The following WDR73 variants were observed in gnomAD, a reference collection of about 807,000 sequenced individuals.
WDR73 encodes WD repeat domain 73.
WDR73 carries 30 observed loss-of-function variants against 38.2 expected under a neutral mutation model. The ratio of observed to expected loss-of-function variants is 0.79; its 90% CI spans 0.59 to 1.06. The LOEUF (loss-of-function observed/expected upper bound fraction) is 1.06, where lower values mean the gene tolerates loss of function less well. Ranked by LOEUF, WDR73 falls within the 50% of genes least tolerant of loss-of-function variation. WDR73 has a pLI of 0.00. For synonymous variants in WDR73, 197 were observed against 176.0 expected, an observed-to-expected ratio of 1.12 and a Z score of -0.94; for missense variants, 487 against 467.0, an observed-to-expected ratio of 1.04 and a Z score of -0.40.
chr15:84,648,520 C>G lies in WDR73; in HGVS notation c.287+17G>C, dbSNP rs1896531823. On this transcript the variant is annotated intron_variant, in intron 4 of 7. Coordinates refer to ENST00000434634, the MANE Select transcript of WDR73 (RefSeq NM_032856.5). ...TCCCATCCTGTGTGGATGGCTGGAT[C>G]ACAAAATTGACCATACCTGGTATGT... 1 of 1,601,490 alleles carries G rather than the reference C, an allele frequency of 6.2e-7. No homozygotes were observed. The highest frequency in any genetic ancestry group is 1.7e-5 in the Admixed American group (1 of 59,954).
Position 84,643,410 on chromosome 15 carries a change from AC to A in WDR73, c.*59del, listed in dbSNP as rs1896328032. ...GTAGTCACTTGAGTCCTACATGAGCACCCTTGCTACTACAGCAGCTCCTCCC... is the reference window on the plus strand; with the variant it reads ...GTAGTCACTTGAGTCCTACATGAGCACCTTGCTACTACAGCAGCTCCTCCC... On this transcript the variant is annotated 3_prime_UTR_variant, in exon 8 of 8. Coordinates refer to ENST00000434634, the MANE Select transcript of WDR73 (RefSeq NM_032856.5). 6.5e-7 allele frequency: 1 copy of A among 1,530,282 alleles called. No individual in the cohort carries two copies. Among genetic ancestry groups the A allele is most frequent in the African/African-American group, 1.4e-5 (1 of 72,822 alleles). 94.8% of individuals were successfully genotyped at this position (1,530,282 alleles called of 1,614,324 possible). A position where few individuals can be genotyped will look rare whatever the true frequency, so the allele number is the denominator to read the frequency against.
intron 5 of WDR73, 64 bp from the exon 6 acceptor site, chr15:84,646,412 C>A: frequency 4.5e-6 from 7 of 1,553,522 alleles, no homozygotes; most frequent in Non-Finnish European, 6.1e-6. Flanking sequence ...TGACAGGCTG[C>A]CAGCTGTCTT....
Position 84,646,175 on chromosome 15 carries a change from C to G in WDR73, c.517+9G>C, listed in dbSNP as rs1896451738. On this transcript the variant is annotated intron_variant, in intron 6 of 7. Coordinates refer to ENST00000434634, the MANE Select transcript of WDR73 (RefSeq NM_032856.5). Reference sequence around the variant, plus strand: ...GGAGCAGCAAGCAAGGGACAAAGTACCACGGTACCTGAGGTGTACGTGGTC... The same window carrying G: ...GGAGCAGCAAGCAAGGGACAAAGTAGCACGGTACCTGAGGTGTACGTGGTC... 6.2e-7 allele frequency: 1 copy of G among 1,613,362 alleles called. No homozygotes were observed. The highest frequency in any genetic ancestry group is 1.3e-5 in the African/African-American group (1 of 74,912).
At position 84,652,724 on chromosome 15, in the gene WDR73, TTTACAGAAA is replaced by T; in HGVS notation, c.179_187del (p.Leu60_Lys63delinsGln). The T allele has an allele frequency of 6.6e-7, 1 of 1,512,178 alleles. No homozygotes were observed. Among genetic ancestry groups the T allele is most frequent in the Non-Finnish European group, 8.9e-7 (1 of 1,125,950 alleles). 93.7% of individuals were successfully genotyped at this position (1,512,178 alleles called of 1,614,324 possible). ...TATATTTTAAGTTACCTTGTTTTCC[TTTACAGAAA>T]GTCTGAGAGGTAATTTCAGATGAAG... On this transcript the variant is annotated inframe_deletion, in exon 3 of 8. Coordinates refer to ENST00000434634, the MANE Select transcript of WDR73 (RefSeq NM_032856.5).
chr15:84,645,608 C>T lies in WDR73; in HGVS notation c.746G>A (p.Arg249His), dbSNP rs11073619. The T allele has an allele frequency of 0.098, 157,137 of 1,608,938 alleles. 8,669 individuals are homozygous for T. The highest frequency in any genetic ancestry group is 0.2 in the Admixed American group (11,975 of 58,806). Residue 249 changes from arginine (R) to histidine (H), a missense_variant, in exon 7 of 8, where the codon CGT (arginine) becomes CAT (histidine). Transcript: ENST00000434634. The part of the protein sequence containing the change: ...PSIASLGSDG[R>H]LCLLDPRDLC... ...ATCCCGGGGGTCAAGAAGACAAAGA[C>T]GCCCATCTGAGCCAAGGCTGGCAAT...
chr15:84,653,593 T>G (rs1405711483), intron 2 of WDR73, 39 bp downstream of exon 2: 173 of 1,490,636 alleles, frequency 1.2e-4, no homozygotes, highest in Non-Finnish European at 1.5e-4. Context: ...AGCTCAGGAG[T>G]GAGATTCCCT....
At position 84,643,855 on chromosome 15, in the gene WDR73, G is replaced by A. The variant is rs181563958; in HGVS notation, c.884-132C>T. 1.7e-4 allele frequency: 182 copies of A among 1,098,960 alleles called. 2 individuals carry two copies. The highest frequency in any genetic ancestry group is 6.0e-4 in the Middle Eastern group (2 of 3,340). 68.1% of individuals were successfully genotyped at this position (1,098,960 alleles called of 1,614,324 possible). Reference sequence around the variant, plus strand: ...TGGTCTTGAACTCCTAGCCTCAAGCGATCCTCCCATCTCAGCCTCCCAAAA... The same window carrying A: ...TGGTCTTGAACTCCTAGCCTCAAGCAATCCTCCCATCTCAGCCTCCCAAAA... On this transcript the variant is annotated intron_variant, in intron 7 of 7. Coordinates refer to ENST00000434634, the MANE Select transcript of WDR73 (RefSeq NM_032856.5).
intron 2 of WDR73, chr15:84,653,390 G>C (rs1418291672): frequency 9.9e-6 from 4 of 403,014 alleles, no homozygotes; most frequent in African/African-American, 4.1e-5. Flanking sequence ...GACTGGTCTC[G>C]AACTCCTGAC....
At chr15:84,647,978 T>C in intron 4 of WDR73, 24 bp from the exon 5 acceptor site, 1 of 1,612,224 alleles carries the variant, frequency 6.2e-7, no homozygotes, top group Non-Finnish European at 8.5e-7. Context: ...ACAAAATCAG[T>C]CCAGACCATG....
intron 3 of WDR73, among the ~76,000 whole-genome samples, chr15:84,650,780 C>A (rs1304702129): frequency 6.6e-6 from 1 of 152,158 alleles, no homozygotes; most frequent in African/African-American, 2.4e-5. Context: ...GGATTACAGG[C>A]ATGAGTCACC....
intron 7 of WDR73, 79 bp downstream of exon 7, chr15:84,645,392 G>A (rs1896413935): frequency 1.3e-6 from 2 of 1,582,004 alleles, no homozygotes; most frequent in Middle Eastern, 1.7e-4. Flanking sequence ...TCATGGTGCT[G>A]GAGGCTCCTT....
chr15:84,644,026 A>C, intron 7 of WDR73: 2 of 297,762 alleles, frequency 6.7e-6, no homozygotes, highest in South Asian at 3.8e-5. Context: ...GCAGCTGATG[A>C]CTCCGTGGGG....
At chr15:84,654,188 G>A in intron 1 of WDR73, 46 bp downstream of exon 1, 1 of 1,613,338 alleles carries the variant, frequency 6.2e-7, no homozygotes, top group Non-Finnish European at 8.5e-7. Flanking sequence ...CGCCCGCCAG[G>A]CAAGCTCCAG....
At position 84,642,988 on chromosome 15, in the gene WDR73, G is replaced by A. The variant is rs1240917188; in HGVS notation, c.*482C>T. ...TCTCTTGAACCTAGTCACCTGGGGG[G>A]ACAAGTGTGGGAAAGTGCACCTGTG... is the stretch of plus-strand genomic sequence containing the variant. On this transcript the variant is annotated 3_prime_UTR_variant, in exon 8 of 8. Coordinates refer to ENST00000434634, the MANE Select transcript of WDR73 (RefSeq NM_032856.5). 1.3e-5 allele frequency: 2 copies of A among 159,914 alleles called. No homozygotes were observed. The highest frequency in any genetic ancestry group is 4.8e-5 in the African/African-American group (2 of 41,462). The allele number at this position is 159,914 out of a possible 1,614,324, so 9.9% of individuals were successfully genotyped here.
chr15:84,643,203 G>A lies in WDR73; in HGVS notation c.*267C>T, dbSNP rs1275428999. ...GATAGTGTGAAGACAGGGACAAAACGCTACCATTTCACACTCCCAGATCTA... is the reference window on the plus strand; with the variant it reads ...GATAGTGTGAAGACAGGGACAAAACACTACCATTTCACACTCCCAGATCTA... On this transcript the variant is annotated 3_prime_UTR_variant, in exon 8 of 8. Coordinates refer to ENST00000434634, the MANE Select transcript of WDR73 (RefSeq NM_032856.5). The A allele has an allele frequency of 1.3e-5, 6 of 470,950 alleles. No homozygotes were observed. The highest frequency in any genetic ancestry group is 5.7e-5 in the South Asian group (2 of 35,086). 29.2% of individuals were successfully genotyped at this position (470,950 alleles called of 1,614,324 possible). A position where few individuals can be genotyped will look rare whatever the true frequency, so the allele number is the denominator to read the frequency against.
rs983465949 is a variant in WDR73, at chr15:84,654,250, C to A, written c.25G>T (p.Val9Leu). 1.2e-6 allele frequency: 2 copies of A among 1,613,954 alleles called. No individual in the cohort carries two copies. The highest frequency in any genetic ancestry group is 8.5e-7 in the Non-Finnish European group (1 of 1,179,826). MDPGDDWLVESLRLYQDFY... is the reference protein window; with the variant it reads MDPGDDWLLESLRLYQDFY... ...ACGATTTACAAGCGCAAGGATTCCA[C>A]CAGCCAGTCGTCCCCAGGATCCATG... The change falls in exon 1 of 8, where the codon GTG becomes TTG. Residue 9 changes from valine (V) to leucine (L), a missense_variant. Physicochemically the swap from Val to Leu is conservative, Grantham distance 32 (BLOSUM62 1). Coordinates refer to ENST00000434634, the MANE Select transcript of WDR73 (RefSeq NM_032856.5).
At chr15:84,650,359 CTT>C (rs1339295706) in intron 3 of WDR73, among the ~76,000 whole-genome samples, 1 of 20,316 alleles carries the variant, frequency 4.9e-5, no homozygotes, top group East Asian at 5.3e-3. Flanking sequence ...GGCTAATTTT[CTT>C]TTTCTTTTTC....
chr15:84,646,280 C>T lies in WDR73; in HGVS notation c.421G>A (p.Val141Ile), dbSNP rs142883583. The change falls in exon 6 of 8, where the codon GTC becomes ATC. Residue 141 changes from valine to isoleucine, a missense_variant. Transcript: ENST00000434634. ...ACTCCGGGTGCCAATGTGGAGAAGA[C>T]GGCCACCCTAGGCCAGAGACTCTCC... ...KEESLWPRVA[V>I]FSTLAPGVLH... 1,677 of 1,613,936 alleles carry T rather than the reference C, an allele frequency of 1.0e-3. 14 individuals are homozygous for T. The African/African-American group carries it at 0.019, about 18-fold the overall frequency.
chr15:84,652,281 T>C (rs1485208524), intron 3 of WDR73, among the ~76,000 whole-genome samples: 1 of 152,168 alleles, frequency 6.6e-6, no homozygotes, highest in Non-Finnish European at 1.5e-5. Flanking sequence ...AGATTCCTCT[T>C]ACCTCAGAGG....
Sources: allele counts gnomAD v4.1 joint callset (sites outside exome capture counted in the v4.1 genomes callset), GRCh38; gene constraint gnomAD v4.1.1; transcripts MANE v1.5; gene names NCBI Gene and HGNC (gene_info 2026-07-23, HGNC 2026-07-21).